P2RX1: variants seen among roughly 807,000 people sequenced by gnomAD.
P2RX1 encodes the protein P2X purinoceptor 1.
P2RX1 carries 42 observed loss-of-function variants against 50.3 expected under a neutral mutation model. That is an observed-to-expected ratio of 0.83 (90% CI 0.65 to 1.08). The LOEUF is 1.08. Ranked by LOEUF, P2RX1 falls within the 50% of genes least tolerant of loss-of-function variation. The pLI, the probability that P2RX1 is intolerant of heterozygous loss-of-function variation, is 0.00. For missense variants in P2RX1, 449 were observed against 529.0 expected (o/e 0.85, Z 1.48); for synonymous variants, 199 against 202.6 (o/e 0.98, Z 0.15).
chr17:3,904,857 C>A lies in P2RX1; in HGVS notation c.357+1G>T, dbSNP rs758972433. ...GGGGGCTGGCGGGCAGAAGTCCTCA[C>A]CTCTGCGCAGTAGCCTTGAGTCTGC... On this transcript the variant is annotated splice_donor_variant, in intron 3 of 11. Coordinates refer to ENST00000225538, the MANE Select transcript of P2RX1 (RefSeq NM_002558.4). LOFTEE classifies it high-confidence loss of function. 1.9e-6 allele frequency: 3 copies of A among 1,592,502 alleles called. No homozygotes were observed. The East Asian group carries it at 6.8e-5, about 36-fold the overall frequency.
rs558994152 is a variant in P2RX1, at chr17:3,915,886, G to A, written c.137+203C>T. 4.2e-6 allele frequency: 3 copies of A among 719,004 alleles called. No homozygotes were observed. The African/African-American group carries it at 5.2e-5, about 13-fold the overall frequency. 44.5% of individuals were successfully genotyped at this position (719,004 alleles called of 1,614,324 possible). A position where few individuals can be genotyped will look rare whatever the true frequency, so the allele number is the denominator to read the frequency against. ...GCCTCCTGTTCACCGAAGGCCCCCG[G>A]GCAGGGCTTCCCCTCCGGCCTCGTC... On this transcript the variant is annotated intron_variant, in intron 1 of 11. Transcript: ENST00000225538.
chr17:3,899,540 T>G (rs964593751), intron 8 of P2RX1, 94 bp downstream of exon 8: 1 of 1,543,578 alleles, frequency 6.5e-7, no homozygotes, highest in Admixed American at 1.7e-5. Flanking sequence ...TCTGCTCCCC[T>G]CTGGGGACAC....
In P2RX1 at chr17:3,902,752, T is replaced by C. The variant is rs1239629453; in HGVS notation, c.747+450A>G. On this transcript the variant is annotated intron_variant, in intron 7 of 11. Coordinates refer to ENST00000225538, the MANE Select transcript of P2RX1 (RefSeq NM_002558.4). The stretch of plus-strand genomic sequence containing the variant: ...CCTCCCTAGTAGCTGGGATTACAGG[T>C]GCGCGTCACCATGCCTGGCTAATTT... Among the ~76,000 whole-genome samples the C allele has an allele frequency of 5.9e-5, 9 of 151,850 alleles. No individual in the cohort carries two copies. The East Asian group carries it at 1.4e-3, about 23-fold the overall frequency.
chr17:3,913,884 C>T (rs60089918), intron 1 of P2RX1, among the ~76,000 whole-genome samples: 32,292 of 152,244 alleles, frequency 0.21, 3,702 homozygotes, highest in African/African-American at 0.3. Flanking sequence ...CCCTGCAACC[C>T]GTGCCCCACG....
chr17:3,897,789 C>T lies in P2RX1; in HGVS notation c.*25G>A. On this transcript the variant is annotated 3_prime_UTR_variant, in exon 12 of 12. Coordinates refer to ENST00000225538, the MANE Select transcript of P2RX1 (RefSeq NM_002558.4). ...TCCAGGCTGAAGCCTCACGCTGCAC[C>T]CAGTCAGGAGTTGGGGCCCGAGCAT... 6.2e-7 allele frequency: 1 copy of T among 1,609,218 alleles called. No individual in the cohort carries two copies. The highest frequency in any genetic ancestry group is 1.1e-5 in the South Asian group (1 of 90,872).
intron 1 of P2RX1, among the ~76,000 whole-genome samples, chr17:3,907,254 C>T (rs554363909): frequency 3.3e-5 from 5 of 149,744 alleles, no homozygotes; most frequent in Admixed American, 1.3e-4. Context: ...GTGGCCCCTT[C>T]CTCGAGGAAA....
chr17:3,901,348 T>C (rs939545287), intron 7 of P2RX1, among the ~76,000 whole-genome samples: 2 of 152,212 alleles, frequency 1.3e-5, no homozygotes, highest in Admixed American at 6.5e-5. Flanking sequence ...ATTACAGGCG[T>C]GAGCCACCGC....
intron 1 of P2RX1, among the ~76,000 whole-genome samples, chr17:3,910,598 T>C (rs2056345870): frequency 6.6e-6 from 1 of 152,092 alleles, no homozygotes; most frequent in Admixed American, 6.5e-5. Flanking sequence ...CTGGCATGGG[T>C]TGGGAGGACC....
In P2RX1 at chr17:3,911,411, G is replaced by C. The variant is rs766555771; in HGVS notation, c.137+4678C>G. Among the ~76,000 whole-genome samples, 8 of 152,304 alleles carry C rather than the reference G, an allele frequency of 5.3e-5. No individual in the cohort carries two copies. The East Asian group carries it at 7.7e-4, about 15-fold the overall frequency. On this transcript the variant is annotated intron_variant, in intron 1 of 11. Transcript: ENST00000225538. ...TCTTGAGACGTCGGAAGCTCTGGCTGTGCCAGGTGTTACGTGCTGCGGCAA... is the reference window on the plus strand; with the variant it reads ...TCTTGAGACGTCGGAAGCTCTGGCTCTGCCAGGTGTTACGTGCTGCGGCAA...
chr17:3,898,457 C>T (rs1323167533), intron 10 of P2RX1, 27 bp downstream of exon 10: 2 of 1,593,648 alleles, frequency 1.3e-6, no homozygotes, highest in Non-Finnish European at 8.6e-7. Flanking sequence ...AACCCCAGCA[C>T]AGTGAGCCGG....
At chr17:3,916,046 G>T (rs764033167) in intron 1 of P2RX1, 43 bp downstream of exon 1, 4 of 1,610,882 alleles carry the variant, frequency 2.5e-6, no homozygotes, top group Middle Eastern at 1.7e-4. Context: ...GGACAGGCCC[G>T]GGGTAGGGGC....
Position 3,898,002 on chromosome 17 carries a change from C to A in P2RX1, c.1134+7G>T, listed in dbSNP as rs1283833556. 1 of 1,613,374 alleles carries A rather than the reference C, an allele frequency of 6.2e-7. No individual in the cohort carries two copies. The highest frequency in any genetic ancestry group is 1.7e-5 in the Admixed American group (1 of 59,990). On this transcript the variant is annotated splice_region_variant and intron_variant, in intron 11 of 11. Coordinates refer to ENST00000225538, the MANE Select transcript of P2RX1 (RefSeq NM_002558.4). ...TTCGAAGGGCCTGGCTCGGGGGGTT[C>A]TCTTACCGCCCCTGGCCCCATGTCC...
At position 3,914,496 on chromosome 17, in the gene P2RX1, C is replaced by T. The variant is rs754018520; in HGVS notation, c.137+1593G>A. 1.4e-4 allele frequency among the ~76,000 whole-genome samples: 22 copies of T among 152,148 alleles called. No individual in the cohort carries two copies. The highest frequency in any genetic ancestry group is 2.9e-4 in the Non-Finnish European group (20 of 68,022). On this transcript the variant is annotated intron_variant, in intron 1 of 11. Transcript: ENST00000225538. The surrounding 1 kb of genome is among the most constrained non-coding windows in gnomAD (Gnocchi z 4.1). ...AGGAGGGACCTGGTGCCCCTCACAC[C>T]TGCAGATCTGAAAGCAGAACTAGGG...
intron 3 of P2RX1, 124 bp from the exon 4 acceptor site, chr17:3,904,523 C>T (rs758713985): frequency 2.4e-5 from 20 of 829,828 alleles, no homozygotes; most frequent in Non-Finnish European, 3.5e-5. Context: ...TCTGGAGTGA[C>T]GCCTGCTCAC....
intron 1 of P2RX1, among the ~76,000 whole-genome samples, chr17:3,908,430 G>C (rs565032541): frequency 6.6e-6 from 1 of 152,170 alleles, no homozygotes; most frequent in Non-Finnish European, 1.5e-5. Context: ...GCATGGTGGT[G>C]GCGGGCACCT....
chr17:3,915,924 G>A, intron 1 of P2RX1, 165 bp downstream of exon 1: 1 of 871,120 alleles, frequency 1.1e-6, no homozygotes, highest in Non-Finnish European at 1.9e-6. Flanking sequence ...CATCTCAACA[G>A]CGAGTTGGCA....
rs753034650 is a variant in P2RX1, at chr17:3,905,270, C to T, written c.235G>A (p.Gly79Ser). ...ACATCCCAGACCTGGGGGCCGAGGC[C>T]AGGGAGCTGGGTCACGGCCAGGCCC... ...LKGLAVTQLP[G>S]LGPQVWDVAD... Residue 79 changes from glycine (G) to serine (S), a missense_variant, in exon 2 of 12, where the codon GGC (glycine) becomes AGC (serine). Coordinates refer to ENST00000225538, the MANE Select transcript of P2RX1 (RefSeq NM_002558.4). 1 of 1,613,816 alleles carries T rather than the reference C, an allele frequency of 6.2e-7. No individual in the cohort carries two copies. Among genetic ancestry groups the T allele is most frequent in the Non-Finnish European group, 8.5e-7 (1 of 1,180,008 alleles).
At chr17:3,898,874 G>C in intron 9 of P2RX1, 60 bp downstream of exon 9, 2 of 1,326,054 alleles carry the variant, frequency 1.5e-6, no homozygotes, top group Non-Finnish European at 2.2e-6. Flanking sequence ...GATGCCCAAA[G>C]GTACTCACAG....
At chr17:3,912,493 G>C (rs778441971) in intron 1 of P2RX1, among the ~76,000 whole-genome samples, 2 of 152,100 alleles carry the variant, frequency 1.3e-5, no homozygotes, top group Non-Finnish European at 2.9e-5. Flanking sequence ...ACCACACCCA[G>C]CTAATTTTTG....
Sources: allele counts gnomAD v4.1 joint callset (sites outside exome capture counted in the v4.1 genomes callset), GRCh38; gene constraint gnomAD v4.1.1; non-coding constraint Gnocchi (gnomAD v3.1); transcripts MANE v1.5; gene names NCBI Gene and HGNC (gene_info 2026-07-23, HGNC 2026-07-21).